Variants in DENND5B observed in about 807,000 individuals in gnomAD.
DENND5B encodes the protein DENN domain containing 5B, also known as DENN domain-containing protein 5B.
DENND5B carries 34 observed loss-of-function variants against 140.6 expected under a neutral mutation model. The ratio of observed to expected loss-of-function variants is 0.24; its 90% CI spans 0.18 to 0.32. DENND5B has a LOEUF of 0.32. Ranked by LOEUF, DENND5B falls within the 10% of genes least tolerant of loss-of-function variation. The pLI, the probability that DENND5B is intolerant of heterozygous loss-of-function variation, is 1.00. For synonymous variants in DENND5B, 551 were observed against 562.1 expected, an observed-to-expected ratio of 0.98 and a Z score of 0.28; for missense variants, 1,142 against 1,560.2, an observed-to-expected ratio of 0.73 and a Z score of 4.52.
intron 14 of DENND5B, among the ~76,000 whole-genome samples, chr12:31,405,521 T>C (rs1942076652): frequency 6.8e-6 from 1 of 147,796 alleles, no homozygotes; most frequent in Non-Finnish European, 1.5e-5. Context: ...CATGTATGTA[T>C]GTATGTATGT....
intron 14 of DENND5B, among the ~76,000 whole-genome samples, chr12:31,408,970 T>G (rs2137511635): frequency 6.6e-6 from 1 of 152,296 alleles, no homozygotes; most frequent in African/African-American, 2.4e-5. Flanking sequence ...CTAACCCCCA[T>G]GGTGAGCTCC....
At chr12:31,510,761 AT>A (rs1324054791) in intron 1 of DENND5B, among the ~76,000 whole-genome samples, 1 of 152,184 alleles carries the variant, frequency 6.6e-6, no homozygotes, top group Non-Finnish European at 1.5e-5. Context: ...AACTCTCCCT[AT>A]TTTAGGGTCA....
intron 14 of DENND5B, among the ~76,000 whole-genome samples, chr12:31,403,421 C>T (rs3926419): frequency 0.4 from 59,968 of 149,326 alleles, 13,053 homozygotes; most frequent in East Asian, 0.59. Flanking sequence ...GGCAAAACCC[C>T]GTCTCTACTA....
chr12:31,424,408 T>C lies in DENND5B; in HGVS notation c.2391+127A>G, dbSNP rs941586804. The C allele has an allele frequency of 4.1e-6, 5 of 1,214,164 alleles. No homozygotes were observed. The African/African-American group carries it at 6.1e-5, about 15-fold the overall frequency. 75.2% of individuals were successfully genotyped at this position (1,214,164 alleles called of 1,614,324 possible). ...TCTTTTTCTGAAATTAAAATGCCTG[T>C]GGCATTTTTCTAGTCCCCTTGTGAC... is the stretch of plus-strand genomic sequence containing the variant. On this transcript the variant is annotated intron_variant, in intron 10 of 20. Transcript: ENST00000389082.
intron 3 of DENND5B, among the ~76,000 whole-genome samples, chr12:31,472,942 T>A (rs1591862262): frequency 1.4e-5 from 2 of 146,382 alleles, no homozygotes; most frequent in Admixed American, 1.4e-4. Context: ...TCTAGTGAAG[T>A]CTTTTTAAAA....
At chr12:31,567,375 C>T (rs1272505762) in intron 1 of DENND5B, among the ~76,000 whole-genome samples, 1 of 151,688 alleles carries the variant, frequency 6.6e-6, no homozygotes, top group South Asian at 2.1e-4. Context: ...TCTTTCCTAT[C>T]CATCCCCCAT....
rs1940844856 is a variant in DENND5B, at chr12:31,386,224, G to C, written c.*1379C>G. The C allele has an allele frequency of 6.5e-6, 1 of 154,788 alleles. No individual in the cohort carries two copies. The highest frequency in any genetic ancestry group is 1.5e-5 in the Non-Finnish European group (1 of 68,220). The allele number at this position is 154,788 out of a possible 1,614,324, so 9.6% of individuals were successfully genotyped here. A position where few individuals can be genotyped will look rare whatever the true frequency, so the allele number is the denominator to read the frequency against. ...GGAATAAAACTGGGAGCTCTGCTGA[G>C]GCAATTTTGCTGCTAAAAATGTACA... On this transcript the variant is annotated 3_prime_UTR_variant, in exon 21 of 21. Transcript: ENST00000389082.
chr12:31,418,807 T>C (rs1942889651), intron 11 of DENND5B, among the ~76,000 whole-genome samples: 1 of 151,946 alleles, frequency 6.6e-6, no homozygotes, highest in Non-Finnish European at 1.5e-5. Context: ...AGTGAGAAAC[T>C]TCATTTTAAA....
At chr12:31,537,155 C>T (rs1354310992) in intron 1 of DENND5B, among the ~76,000 whole-genome samples, 1 of 152,086 alleles carries the variant, frequency 6.6e-6, no homozygotes, top group Non-Finnish European at 1.5e-5. Context: ...TCACTGGTAA[C>T]AGTAATTATA....
At chr12:31,395,268 C>T (rs1941375464) in intron 17 of DENND5B, among the ~76,000 whole-genome samples, 2 of 152,172 alleles carry the variant, frequency 1.3e-5, no homozygotes, top group South Asian at 4.1e-4. Context: ...CTTTCTGTTA[C>T]TCCACATCCT....
At chr12:31,519,282 C>G (rs1565658510) in intron 1 of DENND5B, among the ~76,000 whole-genome samples, 1 of 152,110 alleles carries the variant, frequency 6.6e-6, no homozygotes, top group Admixed American at 6.5e-5. Flanking sequence ...CACTGCATGA[C>G]TTGTCTTTTT....
rs143620140 is a variant in DENND5B at position 31,586,226 on chromosome 12, C to A, written c.127+4480G>T. ...TGCCTTCCCTGACATCAACTAATTG[C>A]ATGATTTACCTCCATTTATACCTCC... is the stretch of plus-strand genomic sequence containing the variant. On this transcript the variant is annotated intron_variant, in intron 1 of 20. Coordinates refer to ENST00000389082, the MANE Select transcript of DENND5B (RefSeq NM_144973.4). Among the ~76,000 whole-genome samples the A allele has an allele frequency of 5.6e-3, 853 of 152,294 alleles. 6 individuals are homozygous for A. The highest frequency in any genetic ancestry group is 8.3e-3 in the Non-Finnish European group (567 of 68,032).
intron 3 of DENND5B, chr12:31,477,591 G>C (rs938622909): frequency 6.5e-6 from 1 of 154,932 alleles, no homozygotes; most frequent in Non-Finnish European, 1.5e-5. Context: ...CGTTTACATA[G>C]ATTGGATTCA....
intron 1 of DENND5B, among the ~76,000 whole-genome samples, chr12:31,550,956 A>G (rs1949037337): frequency 1.3e-5 from 2 of 149,764 alleles, no homozygotes; most frequent in South Asian, 2.1e-4. Context: ...TAGATTCTGG[A>G]TATTAGCCCT....
chr12:31,501,199 C>G (rs1946988467), intron 1 of DENND5B, among the ~76,000 whole-genome samples: 1 of 152,190 alleles, frequency 6.6e-6, no homozygotes, highest in African/African-American at 2.4e-5. Context: ...GGTTGGTTAC[C>G]TCCATGCTGT....
chr12:31,401,213 G>C (rs575091167), intron 15 of DENND5B, among the ~76,000 whole-genome samples: 96 of 152,278 alleles, frequency 6.3e-4, no homozygotes, highest in African/African-American at 2.3e-3. Flanking sequence ...TCTAACTTAG[G>C]GATGATGGCA....
intron 7 of DENND5B, among the ~76,000 whole-genome samples, chr12:31,439,002 AT>A (rs1322053754): frequency 6.6e-6 from 1 of 152,228 alleles, no homozygotes; most frequent in Non-Finnish European, 1.5e-5. Flanking sequence ...GGCCTACTTA[AT>A]TTTATTTTCA....
intron 5 of DENND5B, among the ~76,000 whole-genome samples, chr12:31,449,159 G>A (rs1944401854): frequency 6.6e-6 from 1 of 152,206 alleles, no homozygotes; most frequent in Admixed American, 6.5e-5. Context: ...GAAGGGGAAA[G>A]GGGAAAGAGG....
chr12:31,575,477 G>A (rs927123917), intron 1 of DENND5B, among the ~76,000 whole-genome samples: 6 of 152,176 alleles, frequency 3.9e-5, no homozygotes, highest in African/African-American at 1.4e-4. Flanking sequence ...ATTCCTTTTT[G>A]CTGTTTTAGT....
Sources: gnomAD v4.1 joint callset for allele counts (sites outside exome capture counted in the v4.1 genomes callset) on GRCh38, gnomAD v4.1.1 for gene constraint, MANE v1.5 for transcripts, NCBI Gene and HGNC (gene_info 2026-07-23, HGNC 2026-07-21) for gene names.